Variants in CDC42BPA observed in about 807,000 individuals in gnomAD.
CDC42BPA encodes CDC42 binding protein kinase alpha, also known as serine/threonine-protein kinase MRCK alpha.
CDC42BPA carries 80 observed loss-of-function variants against 223.5 expected under a neutral mutation model. That is an observed-to-expected ratio of 0.36 (90% CI 0.30 to 0.43). The LOEUF is 0.43. Ranked by LOEUF, CDC42BPA falls within the 20% of genes least tolerant of loss-of-function variation. The pLI is 1.00. For synonymous variants in CDC42BPA, 694 were observed against 718.6 expected, an observed-to-expected ratio of 0.97 and a Z score of 0.55; for missense variants, 1,743 against 2,099.9, an observed-to-expected ratio of 0.83 and a Z score of 3.32.
At chr1:227,065,075 TGA>T (rs2148995769) in intron 21 of CDC42BPA, among the ~76,000 whole-genome samples, 1 of 148,194 alleles carries the variant, frequency 6.7e-6, no homozygotes, top group South Asian at 2.1e-4. Flanking sequence ...CCAGCCTGTG[TGA>T]GAGAGCGAGA....
In CDC42BPA at chr1:227,112,795, A is replaced by C; in HGVS notation, c.1766T>G (p.Leu589Trp). The C allele has an allele frequency of 6.2e-7, 1 of 1,614,018 alleles. No individual in the cohort carries two copies. The highest frequency in any genetic ancestry group is 8.5e-7 in the Non-Finnish European group (1 of 1,179,980). ...AGCAAGTTTCTGTTTTTGGGTGTGCAATTCTGTTAGCCGCTCATTGATCTC... is the reference window on the plus strand; with the variant it reads ...AGCAAGTTTCTGTTTTTGGGTGTGCCATTCTGTTAGCCGCTCATTGATCTC... The part of the protein sequence containing the change: ...FMEINERLTE[L>W]HTQKQKLARH... Residue 589 changes from leucine (L) to tryptophan (W), a missense_variant, in exon 13 of 37, where the codon TTG becomes TGG. Leu to Trp is a moderately conservative substitution (Grantham distance 61). Coordinates refer to ENST00000366766, the MANE Select transcript of CDC42BPA (RefSeq NM_001394014.1).
In CDC42BPA at chr1:226,994,288, G is replaced by C. The variant is rs373581147; in HGVS notation, c.5245C>G (p.Arg1749Gly). 6.8e-5 allele frequency: 108 copies of C among 1,588,452 alleles called. No individual in the cohort carries two copies. Among genetic ancestry groups the C allele is most frequent in the Non-Finnish European group, 8.6e-5 (100 of 1,165,492 alleles). The change falls in exon 37 of 37, where the codon CGC becomes GGC. Residue 1749 changes from arginine to glycine, a missense_variant. By Grantham distance (125) the Arg-to-Gly change is moderately radical. Transcript: ENST00000366766. This position sits in a 1 kb window ranked among gnomAD's most constrained non-coding sequence, Gnocchi z 4.0. ...GCAGCTCACGGGTCCCAGCTCCCGC[G>C]GTCAGTGCTCTCCAGGGAGAGGCTC... ...TKSLSLESTD[R>G]GSWDP
intron 12 of CDC42BPA, 90 bp downstream of exon 12, chr1:227,119,714 A>T: frequency 1.1e-6 from 1 of 877,120 alleles, no homozygotes; most frequent in Non-Finnish European, 1.6e-6. Context: ...ACTATGTATT[A>T]TTGTAATTCA....
intron 1 of CDC42BPA, among the ~76,000 whole-genome samples, chr1:227,303,741 C>T (rs1692075147): frequency 6.6e-6 from 1 of 152,202 alleles, no homozygotes; most frequent in South Asian, 2.1e-4. Context: ...CACTCATCTA[C>T]CTGCTTTTCA....
At chr1:227,107,371 T>A (rs1686110701) in intron 14 of CDC42BPA, among the ~76,000 whole-genome samples, 1 of 152,208 alleles carries the variant, frequency 6.6e-6, no homozygotes, top group Admixed American at 6.5e-5. Flanking sequence ...GATTGCTATG[T>A]GTTGATCTTG....
intron 3 of CDC42BPA, among the ~76,000 whole-genome samples, chr1:227,212,524 C>T (rs542209481): frequency 2.2e-4 from 33 of 152,058 alleles, no homozygotes; most frequent in Admixed American, 1.2e-3. Context: ...AGCACAGCAG[C>T]GGACCCCCCA....
intron 1 of CDC42BPA, among the ~76,000 whole-genome samples, chr1:227,307,776 A>C (rs902643731): frequency 3.9e-5 from 6 of 152,206 alleles, no homozygotes; most frequent in African/African-American, 1.2e-4. Context: ...CATAATCTTC[A>C]ATACATAAAA....
chr1:227,174,067 T>G (rs1397245418), intron 5 of CDC42BPA, among the ~76,000 whole-genome samples: 2 of 152,174 alleles, frequency 1.3e-5, no homozygotes, highest in African/African-American at 4.8e-5. Flanking sequence ...ACCTATACTC[T>G]AGTGTAACAG....
chr1:227,185,911 A>G (rs950995948), intron 5 of CDC42BPA, among the ~76,000 whole-genome samples: 4 of 152,230 alleles, frequency 2.6e-5, no homozygotes, highest in African/African-American at 7.2e-5. Flanking sequence ...AAGTCACCAC[A>G]GCATCCTAAC....
chr1:227,112,971 G>A, intron 12 of CDC42BPA, 58 bp from the exon 13 acceptor site: 1 of 1,574,090 alleles, frequency 6.4e-7, no homozygotes, highest in Non-Finnish European at 8.6e-7. Context: ...GACCAAATTT[G>A]GCCATCAGAA....
chr1:227,024,323 G>A (rs10916077), intron 31 of CDC42BPA, among the ~76,000 whole-genome samples: 19,177 of 152,162 alleles, frequency 0.13, 1,423 homozygotes, highest in African/African-American at 0.21. Flanking sequence ...ACAATGGAAA[G>A]TACTAGGATG....
At chr1:227,057,163 A>C (rs1674752667) in intron 21 of CDC42BPA, among the ~76,000 whole-genome samples, 1 of 152,208 alleles carries the variant, frequency 6.6e-6, no homozygotes, top group Non-Finnish European at 1.5e-5. Flanking sequence ...CTCACTATTA[A>C]TGAAAGCACT....
chr1:227,218,522 C>T (rs11803590), intron 2 of CDC42BPA, among the ~76,000 whole-genome samples: 23,543 of 152,154 alleles, frequency 0.15, 2,250 homozygotes, highest in African/African-American at 0.25. Flanking sequence ...GCAGATTCTA[C>T]AATCCCCACT....
intron 1 of CDC42BPA, among the ~76,000 whole-genome samples, chr1:227,268,438 C>T (rs188220214): frequency 1.6e-4 from 24 of 151,782 alleles, no homozygotes; most frequent in South Asian, 4.2e-4. Flanking sequence ...AAAAGACACA[C>T]GCCCCCACCA....
chr1:227,104,570 G>C (rs1685578727), intron 14 of CDC42BPA, among the ~76,000 whole-genome samples: 1 of 152,062 alleles, frequency 6.6e-6, no homozygotes, highest in Non-Finnish European at 1.5e-5. Flanking sequence ...TAAGTGTATG[G>C]GTTGAACTGT....
chr1:227,028,452 C>T (rs573271002), intron 30 of CDC42BPA, among the ~76,000 whole-genome samples: 34 of 152,322 alleles, frequency 2.2e-4, no homozygotes, highest in African/African-American at 7.0e-4. Context: ...GTTTAAATTA[C>T]GTGCATGCTA....
chr1:227,233,720 G>A (rs1028656772), intron 2 of CDC42BPA, among the ~76,000 whole-genome samples: 15 of 152,130 alleles, frequency 9.9e-5, no homozygotes, highest in Non-Finnish European at 1.5e-5. Flanking sequence ...ATCACCTGAG[G>A]TCAGGAGTTT....
At chr1:227,014,808 A>G (rs773148019) in intron 34 of CDC42BPA, among the ~76,000 whole-genome samples, 7 of 152,170 alleles carry the variant, frequency 4.6e-5, no homozygotes, top group Non-Finnish European at 7.3e-5. Flanking sequence ...CTACCAATCA[A>G]AAGGGTCATT....
chr1:227,248,895 A>G (rs565225682), intron 2 of CDC42BPA, among the ~76,000 whole-genome samples: 1 of 152,344 alleles, frequency 6.6e-6, no homozygotes, highest in South Asian at 2.1e-4. Flanking sequence ...ATCCCTGTCA[A>G]AGTATTAATG....
Sources: gnomAD v4.1 joint callset for allele counts (sites outside exome capture counted in the v4.1 genomes callset) on GRCh38, gnomAD v4.1.1 for gene constraint, Gnocchi (gnomAD v3.1) non-coding constraint, MANE v1.5 for transcripts, NCBI Gene and HGNC (gene_info 2026-07-23, HGNC 2026-07-21) for gene names.